The following HDAC5 variants were observed in gnomAD, a reference collection of about 807,000 sequenced individuals.
HDAC5 encodes the protein histone deacetylase 5.
A neutral mutation model predicts 133.3 loss-of-function variants in HDAC5; 25 were observed. The ratio of observed to expected loss-of-function variants is 0.19; its 90% CI spans 0.14 to 0.26. The LOEUF (loss-of-function observed/expected upper bound fraction) is 0.26. Ranked by LOEUF, HDAC5 falls within the 10% of genes least tolerant of loss-of-function variation. The probability of loss-of-function intolerance (pLI) is 1.00; values close to 1 mark genes in which losing one functional copy is unlikely to be tolerated. For missense variants in HDAC5, 1,041 were observed against 1,460.5 expected, an observed-to-expected ratio of 0.71 and a Z score of 4.68; for synonymous variants, 589 against 610.8, an observed-to-expected ratio of 0.96 and a Z score of 0.53.
chr17:44,096,718 C>T (rs947508188), intron 3 of HDAC5, among the ~76,000 whole-genome samples: 19 of 151,856 alleles, frequency 1.3e-4, no homozygotes, highest in Non-Finnish European at 2.5e-4. Context: ...TCAGGTGATC[C>T]GCTCGCCTCG....
At position 44,085,024 on chromosome 17, in the gene HDAC5, C is replaced by T. The variant is rs2143119188; in HGVS notation, c.2182G>A (p.Glu728Lys). ...AGAAGAAGGAGGGGCTCCCTTACCT[C>T]GCACTTGCTAAGCAGGCCTGTCTCC... ...LQETGLLSKC[E>K]RIRGRKATLD... The change falls in exon 15 of 27, where the codon GAG becomes AAG. Residue 728 changes from glutamate (E) to lysine (K), a missense_variant and splice_region_variant. Around this residue, in one of 9 missense-constraint regions of HDAC5, gnomAD observed 42 missense variants for 101.7 expected, o/e 0.41. Transcript: ENST00000682912. 4.4e-6 allele frequency: 7 copies of T among 1,582,162 alleles called. No individual in the cohort carries two copies. The highest frequency in any genetic ancestry group is 6.1e-6 in the Non-Finnish European group (7 of 1,155,020).
At chr17:44,120,965 AG>A (rs1259324931) in intron 1 of HDAC5, among the ~76,000 whole-genome samples, 1 of 152,074 alleles carries the variant, frequency 6.6e-6, no homozygotes, top group African/African-American at 2.4e-5. Context: ...AACCAGGGAA[AG>A]GGGGAGGGTG....
intron 15 of HDAC5, 136 bp from the exon 16 acceptor site, chr17:44,084,811 C>T: frequency 7.7e-7 from 1 of 1,304,628 alleles, no homozygotes; most frequent in Non-Finnish European, 1.1e-6. Flanking sequence ...GATCCTGGCT[C>T]TGTCATGACC....
At chr17:44,118,869 AT>A (rs1472071005) in intron 1 of HDAC5, among the ~76,000 whole-genome samples, 1 of 152,174 alleles carries the variant, frequency 6.6e-6, no homozygotes, top group East Asian at 1.9e-4. Flanking sequence ...TCCTGGCAGG[AT>A]TAATTCTCAG....
intron 3 of HDAC5, among the ~76,000 whole-genome samples, chr17:44,105,211 C>A (rs2051857231): frequency 6.6e-6 from 1 of 152,142 alleles, no homozygotes; most frequent in Non-Finnish European, 1.5e-5. Flanking sequence ...CCTGGTTGGT[C>A]CCCAGAACAT....
At position 44,091,792 on chromosome 17, in the gene HDAC5, G is replaced by A. The variant is rs749690279; in HGVS notation, c.1072C>T (p.Pro358Ser). The A allele has an allele frequency of 2.5e-6, 4 of 1,599,546 alleles. No individual in the cohort carries two copies. In the African/African-American group the frequency reaches 5.4e-5, roughly 22 times the overall value. The part of the protein sequence containing the change: ...QHRALPLDSS[P>S]NQFSLYTSPS... The stretch of plus-strand genomic sequence containing the variant: ...GACGTGTAGAGGCTGAACTGGTTGG[G>A]GGAGCTGTCCAGAGGGAGGGCTCGG... Residue 358 changes from proline to serine, a missense_variant, in exon 10 of 27, where the codon CCC becomes TCC. Pro to Ser is a moderately conservative substitution (Grantham distance 74). This residue lies in a region of HDAC5 where 433 missense variants were observed against 531.6 expected (regional missense o/e 0.81). Transcript: ENST00000682912.
At chr17:44,122,038 G>A (rs538464600) in intron 1 of HDAC5, among the ~76,000 whole-genome samples, 3 of 152,110 alleles carry the variant, frequency 2.0e-5, no homozygotes, top group Non-Finnish European at 4.4e-5. Context: ...AAAAGAGGAA[G>A]GAGACAAACC....
chr17:44,096,368 A>T (rs9893837), intron 3 of HDAC5, among the ~76,000 whole-genome samples: 1 of 151,754 alleles, frequency 6.6e-6, no homozygotes, highest in African/African-American at 2.4e-5. Flanking sequence ...CCTTCTGGCT[A>T]CCAGTATCTT....
rs545598051 is a variant in HDAC5, at chr17:44,118,610, A to C, written c.-189-906T>G. ...ATGCCCACTCCTCCAGTTCTCCCCC[A>C]CAGTTAGTCCTCAAGCCTCAGACAC... is the stretch of plus-strand genomic sequence containing the variant. On this transcript the variant is annotated intron_variant, in intron 1 of 26. Transcript: ENST00000682912. Among the ~76,000 whole-genome samples, 485 of 152,164 alleles carry C rather than the reference A, an allele frequency of 3.2e-3. 3 individuals are homozygous for C. The highest frequency in any genetic ancestry group is 7.9e-3 in the South Asian group (38 of 4,822).
chr17:44,093,918 G>C, intron 3 of HDAC5, 84 bp from the exon 4 acceptor site: 1 of 1,411,900 alleles, frequency 7.1e-7, no homozygotes, highest in Non-Finnish European at 9.3e-7. Flanking sequence ...TACCACGCAG[G>C]ATTCTAGGAG....
intron 15 of HDAC5, 129 bp downstream of exon 15, chr17:44,084,893 G>T: frequency 1.5e-6 from 2 of 1,330,710 alleles, no homozygotes; most frequent in Non-Finnish European, 2.1e-6. Flanking sequence ...GAACGGGGTG[G>T]TGGGAGAACT....
chr17:44,088,686 C>A, intron 11 of HDAC5, 88 bp from the exon 12 acceptor site: 2 of 1,514,160 alleles, frequency 1.3e-6, no homozygotes, highest in Non-Finnish European at 1.8e-6. Context: ...CCACAACCCC[C>A]TCTGGCATAT....
rs2050153032 is a variant in HDAC5, at chr17:44,076,983, A to C, written c.*1393T>G. 6.5e-6 allele frequency: 1 copy of C among 154,158 alleles called. No individual in the cohort carries two copies. The highest frequency in any genetic ancestry group is 6.5e-5 in the Admixed American group (1 of 15,458). 9.5% of individuals were successfully genotyped at this position (154,158 alleles called of 1,614,324 possible). On this transcript the variant is annotated 3_prime_UTR_variant, in exon 27 of 27. Coordinates refer to ENST00000682912, the MANE Select transcript of HDAC5 (RefSeq NM_005474.5). Reference sequence around the variant, plus strand: ...CCATCCCCCAGGAGGATCTAAAACAAACACACAAGCACACTATGAACCGAT... The same window carrying C: ...CCATCCCCCAGGAGGATCTAAAACACACACACAAGCACACTATGAACCGAT...
At chr17:44,115,302 A>G (rs1198223029) in intron 2 of HDAC5, among the ~76,000 whole-genome samples, 1 of 152,228 alleles carries the variant, frequency 6.6e-6, no homozygotes, top group African/African-American at 2.4e-5. Flanking sequence ...CAGGGGCTGC[A>G]GCAGACCCTG....
At chr17:44,081,966 C>T (rs942915766) in intron 20 of HDAC5, 4 of 152,246 alleles carry the variant, frequency 2.6e-5, no homozygotes, top group African/African-American at 7.2e-5. Flanking sequence ...TTTTGTCCTT[C>T]CTGAGGCTTG....
At chr17:44,119,061 G>C (rs559768492) in intron 1 of HDAC5, among the ~76,000 whole-genome samples, 1 of 152,320 alleles carries the variant, frequency 6.6e-6, no homozygotes, top group East Asian at 1.9e-4. Context: ...GGACTCTATG[G>C]CTGGAGAAAG....
intron 3 of HDAC5, among the ~76,000 whole-genome samples, chr17:44,094,827 A>G (rs935950391): frequency 1.3e-5 from 2 of 151,934 alleles, no homozygotes; most frequent in Non-Finnish European, 2.9e-5. Context: ...TATCAGAGAC[A>G]AGGTCTTGCT....
intron 3 of HDAC5, among the ~76,000 whole-genome samples, chr17:44,101,784 C>T (rs923123358): frequency 1.3e-5 from 2 of 151,936 alleles, no homozygotes; most frequent in East Asian, 1.9e-4. Flanking sequence ...TGAACACACA[C>T]GTGTGCAGTC....
intron 9 of HDAC5, 43 bp from the exon 10 acceptor site, chr17:44,091,874 G>T: frequency 1.3e-6 from 2 of 1,515,352 alleles, no homozygotes; most frequent in Non-Finnish European, 8.8e-7. Context: ...GTGCACAAAG[G>T]GGAGGCAACA....
Sources: gnomAD v4.1 joint callset for allele counts (sites outside exome capture counted in the v4.1 genomes callset) on GRCh38, gnomAD v4.1.1 for gene constraint, gnomAD v4.1.1 regional missense constraint, MANE v1.5 for transcripts, NCBI Gene and HGNC (gene_info 2026-07-23, HGNC 2026-07-21) for gene names.